Variants in TENM1 observed in about 807,000 individuals in gnomAD.
The protein encoded by TENM1 is teneurin transmembrane protein 1.
Under a neutral mutation model 174.8 loss-of-function variants are expected in TENM1, and 35 were observed. That is an observed-to-expected ratio of 0.20 (90% CI 0.15 to 0.27). TENM1 has a LOEUF of 0.27. Among genes scored for constraint, TENM1 ranks in the 10% least tolerant of loss-of-function variants. The probability of loss-of-function intolerance (pLI) is 1.00; values close to 1 mark genes in which losing one functional copy is unlikely to be tolerated. For missense variants in TENM1, 1,633 were observed against 2,130.1 expected, an observed-to-expected ratio of 0.77 and a Z score of 4.59; for synonymous variants, 781 against 798.7, an observed-to-expected ratio of 0.98 and a Z score of 0.37.
intron 5 of TENM1, among the ~76,000 whole-genome samples, chrX:124,692,487 T>A (rs1010610973): frequency 2.7e-5 from 3 of 110,362 alleles, no homozygotes; most frequent in Non-Finnish European, 5.7e-5. Flanking sequence ...AGGATCTATC[T>A]TACTGATTTT....
chrX:124,986,927 C>T, the TENM1 span, among the ~76,000 whole-genome samples: 13 of 111,627 alleles, frequency 1.2e-4, no homozygotes, highest in Admixed American at 9.5e-4. Context: ...CAGGCATGCT[C>T]CACCATGCTT....
intron 5 of TENM1, among the ~76,000 whole-genome samples, chrX:124,687,242 C>T (rs1603000528): frequency 9.0e-6 from 1 of 111,565 alleles, no homozygotes; most frequent in Non-Finnish European, 1.9e-5. Flanking sequence ...GACATATAGA[C>T]CAATGGAACA....
intron 3 of TENM1, among the ~76,000 whole-genome samples, chrX:124,791,694 T>C (rs2055183951): frequency 8.9e-6 from 1 of 111,892 alleles, no homozygotes; most frequent in African/African-American, 3.2e-5. Flanking sequence ...CTCTTCTACA[T>C]GCAGTCACTT....
the TENM1 span, among the ~76,000 whole-genome samples, chrX:125,104,162 C>A: frequency 9.0e-6 from 1 of 111,635 alleles, no homozygotes; most frequent in Non-Finnish European, 1.9e-5. Flanking sequence ...CTTTAATCTG[C>A]CAGCTTTGTC....
the TENM1 span, among the ~76,000 whole-genome samples, chrX:125,181,391 G>A: frequency 9.0e-6 from 1 of 111,296 alleles, no homozygotes. Flanking sequence ...GGAAGAAAAG[G>A]AGAAGAGAGG....
chrX:124,494,279 T>C (rs891890441), intron 20 of TENM1, among the ~76,000 whole-genome samples: 29 of 111,312 alleles, frequency 2.6e-4, no homozygotes, highest in Non-Finnish European at 4.2e-4. Context: ...GTCAGGTCAT[T>C]GAGGAGATGC....
intron 28 of TENM1, among the ~76,000 whole-genome samples, chrX:124,390,433 G>A (rs1042227147): frequency 6.2e-5 from 7 of 112,158 alleles, no homozygotes; most frequent in East Asian, 2.8e-4. Context: ...ATGCTGGTGC[G>A]CTGCACCCAC....
chrX:125,047,328 G>A, the TENM1 span, among the ~76,000 whole-genome samples: 2 of 111,386 alleles, frequency 1.8e-5, no homozygotes, highest in Non-Finnish European at 3.8e-5. Flanking sequence ...CAAGCTGTAG[G>A]CATCCATTAT....
chrX:124,383,360 A>G (rs772825202), intron 30 of TENM1, among the ~76,000 whole-genome samples: 5 of 112,131 alleles, frequency 4.5e-5, no homozygotes, highest in African/African-American at 6.5e-5. Flanking sequence ...TGAAACAAGA[A>G]TCCTGAATTT....
intron 16 of TENM1, among the ~76,000 whole-genome samples, chrX:124,525,143 C>T (rs189398952): frequency 8.9e-6 from 1 of 112,077 alleles, no homozygotes; most frequent in African/African-American, 3.2e-5. Flanking sequence ...AGAAATCTTG[C>T]AGATAAAGAT....
chrX:124,899,604 G>A (rs896266585), intron 1 of TENM1, among the ~76,000 whole-genome samples: 1 of 111,595 alleles, frequency 9.0e-6, no homozygotes, highest in African/African-American at 3.3e-5. Flanking sequence ...ACGTCTTTAT[G>A]GTAGAATGAT....
chrX:124,674,922 A>T (rs1330200211), intron 5 of TENM1, among the ~76,000 whole-genome samples: 1 of 111,677 alleles, frequency 9.0e-6, no homozygotes, highest in East Asian at 2.8e-4. Context: ...TTAGAAGACT[A>T]AGGGGGCTAT....
intron 1 of TENM1, among the ~76,000 whole-genome samples, chrX:124,953,554 A>G (rs1204024973): frequency 9.0e-6 from 1 of 111,557 alleles, no homozygotes; most frequent in East Asian, 2.8e-4. Context: ...CTAAAGTATT[A>G]AAAGAAAAAA....
At chrX:124,659,191 G>A (rs2051527891) in intron 6 of TENM1, among the ~76,000 whole-genome samples, 1 of 111,699 alleles carries the variant, frequency 9.0e-6, no homozygotes, top group African/African-American at 3.2e-5. Context: ...TTGATATAAA[G>A]CACAAATGTA....
the TENM1 span, among the ~76,000 whole-genome samples, chrX:125,045,475 T>C: frequency 2.7e-5 from 3 of 111,915 alleles, no homozygotes; most frequent in Non-Finnish European, 3.8e-5. Flanking sequence ...GATTCTAGAT[T>C]AAGATACAGT....
intron 4 of TENM1, among the ~76,000 whole-genome samples, chrX:124,732,180 G>A (rs1391730613): frequency 1.4e-4 from 16 of 112,090 alleles, no homozygotes; most frequent in Non-Finnish European, 1.9e-5. Flanking sequence ...AATCAACTAT[G>A]TACTTACAGA....
chrX:124,770,208 TG>T (rs2054621160), intron 3 of TENM1, among the ~76,000 whole-genome samples: 1 of 111,491 alleles, frequency 9.0e-6, no homozygotes, highest in South Asian at 3.7e-4. Flanking sequence ...AGAAACAAAT[TG>T]TTTAAAGAGG....
chrX:124,511,350 G>A (rs771269671), intron 18 of TENM1, among the ~76,000 whole-genome samples: 11 of 111,975 alleles, frequency 9.8e-5, no homozygotes, highest in Non-Finnish European at 2.1e-4. Flanking sequence ...TTCAGTTAAC[G>A]ATTATGAATT....
intron 22 of TENM1, among the ~76,000 whole-genome samples, chrX:124,478,229 C>A (rs530366694): frequency 8.9e-6 from 1 of 112,262 alleles, no homozygotes; most frequent in South Asian, 3.8e-4. Flanking sequence ...TAAATGAAAC[C>A]ACAGTGAGGT....
Sources: gnomAD v4.1 joint callset for allele counts (sites outside exome capture counted in the v4.1 genomes callset) on GRCh38, gnomAD v4.1.1 for gene constraint, MANE v1.5 for transcripts, NCBI Gene and HGNC (gene_info 2026-07-23, HGNC 2026-07-21) for gene names.